Variants in EXOSC10 observed in about 807,000 individuals in gnomAD.
EXOSC10 encodes the protein exosome component 10.
In EXOSC10, 94 loss-of-function variants were observed where a neutral mutation model predicts 126.6. The ratio of observed to expected loss-of-function variants is 0.74; its 90% CI spans 0.63 to 0.88. The LOEUF (loss-of-function observed/expected upper bound fraction) is 0.88, where lower values mean the gene tolerates loss of function less well. Ranked by LOEUF, EXOSC10 falls within the 40% of genes least tolerant of loss-of-function variation. The probability of loss-of-function intolerance (pLI) is 0.00; values close to 1 mark genes in which losing one functional copy is unlikely to be tolerated. For missense variants in EXOSC10, 1,041 were observed against 1,100.5 expected, an observed-to-expected ratio of 0.95 and a Z score of 0.77; for synonymous variants, 395 against 400.8, an observed-to-expected ratio of 0.99 and a Z score of 0.17.
intron 16 of EXOSC10, 104 bp from the exon 17 acceptor site, chr1:11,077,052 C>T (rs1639858508): frequency 1.2e-6 from 1 of 831,604 alleles, no homozygotes; most frequent in African/African-American, 1.7e-5. Context: ...AGTACAATGG[C>T]ACAATCTCGG....
At chr1:11,080,990 T>C in intron 11 of EXOSC10, 78 bp from the exon 12 acceptor site, 2 of 1,576,148 alleles carry the variant, frequency 1.3e-6, no homozygotes, top group Non-Finnish European at 1.7e-6. Context: ...TTTGGCTCTT[T>C]TCATGAATGT....
Position 11,080,837 on chromosome 1 carries a change from G to C in EXOSC10, c.1513C>G (p.Gln505Glu). 6.2e-7 allele frequency: 1 copy of C among 1,614,134 alleles called. No individual in the cohort carries two copies. Among genetic ancestry groups the C allele is most frequent in the Non-Finnish European group, 8.5e-7 (1 of 1,180,024 alleles). The change falls in exon 12 of 25, where the codon CAG (glutamine) becomes GAG (glutamate). Residue 505 changes from glutamine to glutamate, a missense_variant. Physicochemically the swap from Gln to Glu is conservative, Grantham distance 29 (BLOSUM62 2). Coordinates refer to ENST00000376936, the MANE Select transcript of EXOSC10 (RefSeq NM_001001998.3). Reference sequence around the variant, plus strand: ...AGCAGCTGAAAGGCTGTCAACTGCTGTGTGTTAAGGTGCTTCTTCTGCTTC... The same window carrying C: ...AGCAGCTGAAAGGCTGTCAACTGCTCTGTGTTAAGGTGCTTCTTCTGCTTC... ...YRKQKKHLNTQQLTAFQLLFA... is the reference protein window; with the variant it reads ...YRKQKKHLNTEQLTAFQLLFA...
intron 3 of EXOSC10, 29 bp from the exon 4 acceptor site, chr1:11,091,626 A>AT (rs757395615): frequency 6.4e-7 from 1 of 1,569,584 alleles, no homozygotes; most frequent in Non-Finnish European, 8.8e-7. Context: ...CTGGTTAAGC[A>AT]TTTTTCCTTT....
chr1:11,067,849 C>G (rs1639198810), intron 24 of EXOSC10, among the ~76,000 whole-genome samples, 159 bp downstream of exon 24: 1 of 152,032 alleles, frequency 6.6e-6, no homozygotes, highest in Non-Finnish European at 1.5e-5. Context: ...CCCTTGTTTT[C>G]CGAGTGGCGT....
At chr1:11,072,013 C>A in intron 20 of EXOSC10, 74 bp downstream of exon 20, 1 of 1,232,808 alleles carries the variant, frequency 8.1e-7, no homozygotes, top group Non-Finnish European at 1.2e-6. Flanking sequence ...CCGTATCTGG[C>A]ACTTGGCTGA....
intron 24 of EXOSC10, among the ~76,000 whole-genome samples, chr1:11,067,707 C>A (rs2261217): frequency 0.6 from 91,810 of 152,018 alleles, 31,069 homozygotes; most frequent in East Asian, 0.79. Context: ...AATTTCACAA[C>A]TATTTACACC....
intron 21 of EXOSC10, 82 bp downstream of exon 21, chr1:11,070,818 C>G: frequency 1.2e-5 from 15 of 1,257,842 alleles, no homozygotes; most frequent in Non-Finnish European, 1.7e-5. Flanking sequence ...CAGGGCAAGC[C>G]CCCTAAGATA....
chr1:11,093,373 A>T (rs973144459), intron 3 of EXOSC10, among the ~76,000 whole-genome samples: 1 of 152,220 alleles, frequency 6.6e-6, no homozygotes, highest in Non-Finnish European at 1.5e-5. Flanking sequence ...GCAGACGTGA[A>T]ATATCAGCTT....
intron 20 of EXOSC10, 102 bp from the exon 21 acceptor site, chr1:11,071,075 C>T (rs953364602): frequency 1.4e-5 from 14 of 973,126 alleles, no homozygotes; most frequent in East Asian, 7.3e-5. Flanking sequence ...GGGGTTGTCA[C>T]GGCTGATTCC....
rs576246296 is a variant in EXOSC10, at chr1:11,074,024, G to A, written c.2083-16C>T. On this transcript the variant is annotated splice_polypyrimidine_tract_variant and intron_variant, in intron 18 of 24. Transcript: ENST00000376936. Reference sequence around the variant, plus strand: ...AGGGCAGAAACTGGAGGAAGGAAATGGCTGTGTGAAACGCTGCCGGGAACG... The same window carrying A: ...AGGGCAGAAACTGGAGGAAGGAAATAGCTGTGTGAAACGCTGCCGGGAACG... 2.9e-4 allele frequency: 475 copies of A among 1,612,780 alleles called. 3 individuals are homozygous for A. The Admixed American group carries it at 7.4e-3, about 25-fold the overall frequency.
Position 11,091,467 on chromosome 1 carries a change from C to A in EXOSC10, c.477+26G>T, listed in dbSNP as rs767200487. 3.8e-6 allele frequency: 6 copies of A among 1,582,960 alleles called. No individual in the cohort carries two copies. In the South Asian group the frequency reaches 6.7e-5, roughly 18 times the overall value. On this transcript the variant is annotated intron_variant, in intron 4 of 24. Transcript: ENST00000376936. ...TCTGTTATGAAGCTGACATCAAGAG[C>A]TCTAGTTAATCTGAAAAGCCCTCAC...
chr1:11,068,207 A>AGAGAGGATGTTTCTGTGTCTG, intron 23 of EXOSC10, 123 bp from the exon 24 acceptor site: 2 of 734,836 alleles, frequency 2.7e-6, no homozygotes, highest in East Asian at 5.2e-5. Flanking sequence ...AGATCCCCTG[A>AGAGAGGATGTTTCTGTGTCTG]GAGAGGATGT....
At chr1:11,096,332 G>A (rs1027726778) in intron 2 of EXOSC10, among the ~76,000 whole-genome samples, 3 of 152,042 alleles carry the variant, frequency 2.0e-5, no homozygotes, top group African/African-American at 7.2e-5. Flanking sequence ...TGTATTTTTA[G>A]TAAAGATGAC....
At chr1:11,079,646 A>G (rs1183886020) in intron 14 of EXOSC10, 65 bp downstream of exon 14, 12 of 1,355,002 alleles carry the variant, frequency 8.9e-6, no homozygotes, top group Admixed American at 3.8e-5. Context: ...CAGCCACCTC[A>G]GCCTCCCAAA....
intron 20 of EXOSC10, chr1:11,071,878 C>A: frequency 1.9e-6 from 1 of 522,174 alleles, no homozygotes; most frequent in South Asian, 2.7e-5. Flanking sequence ...AACGAGACAG[C>A]TACAGCACCT....
chr1:11,073,916 G>T lies in EXOSC10; in HGVS notation c.2157+18C>A. On this transcript the variant is annotated intron_variant, in intron 19 of 24. Transcript: ENST00000376936. ...AAAAAAAAAAGTCTCTTTTAGAACA[G>T]GTGACAAGTCCACTTACTTCATAGA... 2 of 1,125,668 alleles carry T rather than the reference G, an allele frequency of 1.8e-6. No individual in the cohort carries two copies. The highest frequency in any genetic ancestry group is 1.2e-5 in the South Asian group (1 of 81,356). 69.7% of individuals were successfully genotyped at this position (1,125,668 alleles called of 1,614,324 possible).
Position 11,099,844 on chromosome 1 carries a change from C to A in EXOSC10, c.-13G>T. 1 of 1,592,376 alleles carries A rather than the reference C, an allele frequency of 6.3e-7. No homozygotes were observed. Among genetic ancestry groups the A allele is most frequent in the African/African-American group, 1.4e-5 (1 of 73,718 alleles). On this transcript the variant is annotated 5_prime_UTR_variant, in exon 1 of 25. Coordinates refer to ENST00000376936, the MANE Select transcript of EXOSC10 (RefSeq NM_001001998.3). ...TGGGTGGCGCCATTTTTTCAGCCTG[C>A]ACGGCTCGTCTCGCGAGAGCTTGTC...
intron 9 of EXOSC10, among the ~76,000 whole-genome samples, chr1:11,084,312 T>C (rs1000016951): frequency 1.3e-5 from 2 of 152,326 alleles, no homozygotes; most frequent in South Asian, 2.1e-4. Flanking sequence ...TTTTTAATGA[T>C]TGCCATTCTA....
intron 19 of EXOSC10, among the ~76,000 whole-genome samples, chr1:11,073,259 A>C (rs1406300500): frequency 1.3e-5 from 2 of 152,100 alleles, no homozygotes; most frequent in Non-Finnish European, 2.9e-5. Flanking sequence ...CAGCCCCCCG[A>C]GTAGCTGGGA....
Sources: allele counts gnomAD v4.1 joint callset (sites outside exome capture counted in the v4.1 genomes callset), GRCh38; gene constraint gnomAD v4.1.1; transcripts MANE v1.5; gene names NCBI Gene and HGNC (gene_info 2026-07-23, HGNC 2026-07-21).